CD46: variants seen among roughly 807,000 people sequenced by gnomAD.
CD46 encodes membrane cofactor protein.
In CD46, 30 loss-of-function variants were observed where a neutral mutation model predicts 53.3. The ratio of observed to expected loss-of-function variants is 0.56; its 90% CI spans 0.42 to 0.76. The LOEUF is 0.76. CD46 is among the 30% of genes least tolerant of loss of function. The probability of loss-of-function intolerance (pLI) is 0.00; values close to 1 mark genes in which losing one functional copy is unlikely to be tolerated. For synonymous variants in CD46, 142 were observed against 152.0 expected, an observed-to-expected ratio of 0.93 and a Z score of 0.48; for missense variants, 409 against 463.0, an observed-to-expected ratio of 0.88 and a Z score of 1.07.
chr1:207,776,287 C>T (rs1451605213), intron 8 of CD46, among the ~76,000 whole-genome samples: 1 of 152,218 alleles, frequency 6.6e-6, no homozygotes, highest in Non-Finnish European at 1.5e-5. Flanking sequence ...TCACGGCTTC[C>T]CTTGGCTAGG....
chr1:207,782,797 A>G (rs1307104196), intron 8 of CD46, among the ~76,000 whole-genome samples: 5 of 148,096 alleles, frequency 3.4e-5, no homozygotes, highest in Admixed American at 2.7e-4. Context: ...ACAGGCACGC[A>G]CTACCACACC....
chr1:207,771,242 G>T (rs1228481939), intron 8 of CD46, among the ~76,000 whole-genome samples: 1 of 151,790 alleles, frequency 6.6e-6, no homozygotes, highest in East Asian at 1.9e-4. Flanking sequence ...CTTTTTGATG[G>T]TGGTGTTTTT....
Position 207,767,154 on chromosome 1 carries a change from G to A in CD46, c.815G>A (p.Ser272Asn), listed in dbSNP as rs747869014. ...LDGSDTIVCD[S>N]NSTWDPPVPK... ...GGCAGCGACACAATTGTCTGTGACA[G>A]TAACAGTACTTGGGATCCCCCAGTT... is the stretch of plus-strand genomic sequence containing the variant. The change falls in exon 6 of 13, where the codon AGT (serine) becomes AAT (asparagine). Residue 272 changes from serine to asparagine, a missense_variant. Physicochemically the swap from Ser to Asn is conservative, Grantham distance 46. Coordinates refer to ENST00000367042, the MANE Select transcript of CD46 (RefSeq NM_172351.3). 4 of 1,613,902 alleles carry A rather than the reference G, an allele frequency of 2.5e-6. No individual in the cohort carries two copies. The highest frequency in any genetic ancestry group is 3.4e-6 in the Non-Finnish European group (4 of 1,179,770).
rs538306177 is a variant in CD46 at position 207,772,035 on chromosome 1, A to C, written c.943+1673A>C. 4.6e-5 allele frequency among the ~76,000 whole-genome samples: 7 copies of C among 152,244 alleles called. No homozygotes were observed. The South Asian group carries it at 1.2e-3, about 27-fold the overall frequency. ...TGATTCTTCCTATCCATGAGCATGG[A>C]ATGTTCTTCCATTTGTTTGTGTACT... On this transcript the variant is annotated intron_variant, in intron 8 of 12. Coordinates refer to ENST00000367042, the MANE Select transcript of CD46 (RefSeq NM_172351.3).
At position 207,795,394 on chromosome 1, in the gene CD46, CA is replaced by C. The variant is rs1303964680; in HGVS notation, c.*1922del. 6.6e-6 allele frequency: 1 copy of C among 152,100 alleles called. No individual in the cohort carries two copies. The highest frequency in any genetic ancestry group is 1.5e-5 in the Non-Finnish European group (1 of 67,996). 9.4% of individuals were successfully genotyped at this position (152,100 alleles called of 1,614,324 possible). On this transcript the variant is annotated 3_prime_UTR_variant, in exon 13 of 13. Coordinates refer to ENST00000367042, the MANE Select transcript of CD46 (RefSeq NM_172351.3). ...TATGAATTCAAGAAAATTTAAGCTG[CA>C]AAAATGTATTTGCTATAAAATGAGA...
intron 8 of CD46, among the ~76,000 whole-genome samples, chr1:207,773,742 TGA>T (rs1391309127): frequency 2.6e-5 from 4 of 152,158 alleles, no homozygotes; most frequent in Non-Finnish European, 5.9e-5. Context: ...CACTGTGGTC[TGA>T]GAGACAGTTT....
At chr1:207,764,422 A>T (rs1656612548) in intron 5 of CD46, among the ~76,000 whole-genome samples, 1 of 152,206 alleles carries the variant, frequency 6.6e-6, no homozygotes, top group Non-Finnish European at 1.5e-5. Context: ...TGCCTCAGGA[A>T]GTGAGGTGGG....
At chr1:207,781,129 A>G (rs1052747804) in intron 8 of CD46, among the ~76,000 whole-genome samples, 2 of 150,004 alleles carry the variant, frequency 1.3e-5, no homozygotes, top group Non-Finnish European at 3.0e-5. Flanking sequence ...CAAACCATAG[A>G]CCGTCCTAAT....
rs1656956382 is a variant in CD46, at chr1:207,767,174, C to T, written c.835C>T (p.Pro279Ser). The change falls in exon 6 of 13, where the codon CCA becomes TCA. Residue 279 changes from proline to serine, a missense_variant. Pro to Ser is a moderately conservative substitution (Grantham distance 74, BLOSUM62 -1). Coordinates refer to ENST00000367042, the MANE Select transcript of CD46 (RefSeq NM_172351.3). The stretch of plus-strand genomic sequence containing the variant: ...TGACAGTAACAGTACTTGGGATCCC[C>T]CAGTTCCAAAGTGTCTTAAAGGTAC... ...VCDSNSTWDPPVPKCLKVSTS... is the reference protein window; with the variant it reads ...VCDSNSTWDPSVPKCLKVSTS... 2 of 1,613,544 alleles carry T rather than the reference C, an allele frequency of 1.2e-6. No individual in the cohort carries two copies. Among genetic ancestry groups the T allele is most frequent in the African/African-American group, 2.7e-5 (2 of 74,904 alleles).
At chr1:207,788,887 A>G (rs2102705224) in intron 11 of CD46, among the ~76,000 whole-genome samples, 1 of 152,352 alleles carries the variant, frequency 6.6e-6, no homozygotes, top group African/African-American at 2.4e-5. Flanking sequence ...CAAAAGGTTA[A>G]AGTATTCTGC....
At position 207,757,564 on chromosome 1, in the gene CD46, A is replaced by G. The variant is rs1302480075; in HGVS notation, c.311A>G (p.Asp104Gly). 6.2e-7 allele frequency: 1 copy of G among 1,607,538 alleles called. No individual in the cohort carries two copies. The highest frequency in any genetic ancestry group is 2.2e-5 in the East Asian group (1 of 44,816). The change falls in exon 3 of 13, where the codon GAT (aspartate) becomes GGT (glycine). Residue 104 changes from aspartate (D) to glycine (G), a missense_variant. Asp to Gly is a moderately conservative substitution (Grantham distance 94, BLOSUM62 -1). Transcript: ENST00000367042. ...GGAGAAACATGTCCATATATACGGG[A>G]TCCTTTAAATGGCCAAGCAGTCCCT... ...CYRETCPYIRDPLNGQAVPAN... is the reference protein window; with the variant it reads ...CYRETCPYIRGPLNGQAVPAN...
intron 8 of CD46, among the ~76,000 whole-genome samples, chr1:207,774,681 T>C (rs929028018): frequency 2.0e-5 from 3 of 152,204 alleles, no homozygotes; most frequent in African/African-American, 4.8e-5. Context: ...GGTTGAAAAT[T>C]ATTTTCTTTA....
chr1:207,767,954 C>A, intron 7 of CD46, 131 bp downstream of exon 7: 1 of 750,874 alleles, frequency 1.3e-6, no homozygotes, highest in Non-Finnish European at 2.3e-6. Flanking sequence ...ATTTGTATAG[C>A]CATTTTAGTT....
At chr1:207,767,660 G>C (rs765601069) in intron 6 of CD46, 119 bp from the exon 7 acceptor site, 3 of 1,611,430 alleles carry the variant, frequency 1.9e-6, no homozygotes, top group Non-Finnish European at 2.5e-6. Flanking sequence ...AGGTTTAGTA[G>C]CTTCTTCCTT....
intron 5 of CD46, among the ~76,000 whole-genome samples, chr1:207,762,419 CAA>C (rs1246478732): frequency 6.6e-6 from 1 of 150,448 alleles, no homozygotes; most frequent in African/African-American, 2.5e-5. Context: ...AAAATAGAGC[CAA>C]AATCAATGAA....
chr1:207,772,620 A>G (rs1257821417), intron 8 of CD46, among the ~76,000 whole-genome samples: 1 of 152,166 alleles, frequency 6.6e-6, no homozygotes, highest in Non-Finnish European at 1.5e-5. Flanking sequence ...GGGCTGTTGA[A>G]TTTTGTCAAA....
chr1:207,767,991 T>G (rs768972855), intron 7 of CD46, 168 bp downstream of exon 7: 1 of 636,022 alleles, frequency 1.6e-6, no homozygotes. Context: ...CTAAAATTAT[T>G]TGCCATAATC....
intron 11 of CD46, among the ~76,000 whole-genome samples, chr1:207,787,891 C>G (rs1393712262): frequency 6.6e-6 from 1 of 152,088 alleles, no homozygotes; most frequent in African/African-American, 2.4e-5. Context: ...GTTTCTCTGA[C>G]TTTAATGTGC....
chr1:207,763,276 G>A (rs764180597), intron 5 of CD46: 2 of 152,344 alleles, frequency 1.3e-5, no homozygotes, highest in Non-Finnish European at 2.9e-5. Context: ...CAGGCGTCCC[G>A]GAGTGCTGGC....
Sources: gnomAD v4.1 joint callset for allele counts (sites outside exome capture counted in the v4.1 genomes callset) on GRCh38, gnomAD v4.1.1 for gene constraint, MANE v1.5 for transcripts, NCBI Gene and HGNC (gene_info 2026-07-23, HGNC 2026-07-21) for gene names.